Variants in CFHR2 observed in about 807,000 individuals in gnomAD.
CFHR2 encodes the protein complement factor H-related protein 2.
CFHR2 carries 22 observed loss-of-function variants against 21.7 expected under a neutral mutation model. The ratio of observed to expected loss-of-function variants is 1.01; its 90% CI spans 0.72 to 1.45. The LOEUF (loss-of-function observed/expected upper bound fraction) is 1.45, where lower values mean the gene tolerates loss of function less well. CFHR2 is among the 40% of genes most tolerant of loss of function. The probability of loss-of-function intolerance (pLI) is 0.00; values close to 1 mark genes in which losing one functional copy is unlikely to be tolerated. For missense variants in CFHR2, 294 were observed against 293.3 expected (o/e 1.00, Z -0.02); for synonymous variants, 98 against 97.4 (o/e 1.01, Z -0.04).
chr1:196,946,045 A>G lies in CFHR2; in HGVS notation c.58+2107A>G, dbSNP rs183261343. ...CAATTGTAAGTATATGTTTATCTCA[A>G]TATAGCAAAGTACAATAAAAATACA... is the stretch of plus-strand genomic sequence containing the variant. On this transcript the variant is annotated intron_variant, in intron 1 of 4. Coordinates refer to ENST00000367415, the MANE Select transcript of CFHR2 (RefSeq NM_005666.4). 2.4e-3 allele frequency among the ~76,000 whole-genome samples: 370 copies of G among 152,126 alleles called. 9 individuals are homozygous for G. Among genetic ancestry groups the G allele is most frequent in the Non-Finnish European group, 3.2e-4 (22 of 68,012 alleles).
chr1:196,951,068 A>G, intron 3 of CFHR2, 40 bp downstream of exon 3: 1 of 1,604,148 alleles, frequency 6.2e-7, no homozygotes. Flanking sequence ...GTTATATTAT[A>G]AAGTGTAAAA....
rs144596551 is a variant in CFHR2 at position 196,949,602 on chromosome 1, G to A, written c.206G>A (p.Arg69His). ...FVSPSKSFWTRITCAEEGWSP... is the reference protein window; with the variant it reads ...FVSPSKSFWTHITCAEEGWSP... ...TCTCCTTCAAAATCCTTTTGGACTC[G>A]CATAACGTGCGCAGAAGAAGGATGG... The change falls in exon 2 of 5, where the codon CGC becomes CAC. Residue 69 changes from arginine (R) to histidine (H), a missense_variant. By Grantham distance (29) the Arg-to-His change is conservative. Coordinates refer to ENST00000367415, the MANE Select transcript of CFHR2 (RefSeq NM_005666.4). The A allele has an allele frequency of 2.2e-5, 36 of 1,613,848 alleles. No individual in the cohort carries two copies. The Admixed American group carries it at 2.5e-4, about 11-fold the overall frequency.
chr1:196,950,061 A>T (rs1490616995), intron 2 of CFHR2, among the ~76,000 whole-genome samples: 1 of 152,210 alleles, frequency 6.6e-6, no homozygotes, highest in South Asian at 2.1e-4. Context: ...TTCAATAAAT[A>T]ATTTCTTTGG....
intron 4 of CFHR2, 37 bp downstream of exon 4, chr1:196,958,110 T>C (rs1457365704): frequency 6.3e-7 from 1 of 1,583,622 alleles, no homozygotes; most frequent in Admixed American, 1.7e-5. Context: ...TCTGGAAAAA[T>C]CAGTGTGATG....
chr1:196,953,397 C>T (rs1652728018), intron 3 of CFHR2, among the ~76,000 whole-genome samples: 1 of 152,076 alleles, frequency 6.6e-6, no homozygotes, highest in South Asian at 2.1e-4. Context: ...ATTCTTGTGC[C>T]TCAGCCTCCT....
chr1:196,951,496 T>G (rs542293475), intron 3 of CFHR2, among the ~76,000 whole-genome samples: 1 of 152,284 alleles, frequency 6.6e-6, no homozygotes, highest in African/African-American at 2.4e-5. Context: ...AGAGGTATGT[T>G]TATTTGTGAG....
At chr1:196,945,945 G>C (rs1659465485) in intron 1 of CFHR2, among the ~76,000 whole-genome samples, 1 of 151,634 alleles carries the variant, frequency 6.6e-6, no homozygotes, top group Admixed American at 6.6e-5. Flanking sequence ...TAGGCCATAT[G>C]GTATAGCCTG....
Position 196,955,673 on chromosome 1 carries a change from A to G in CFHR2, c.431-2218A>G, listed in dbSNP as rs562543843. On this transcript the variant is annotated intron_variant, in intron 3 of 4. Coordinates refer to ENST00000367415, the MANE Select transcript of CFHR2 (RefSeq NM_005666.4). Reference sequence around the variant, plus strand: ...GGACTAGCCTGACCCACATCGTGAAACTCTGTCTTTGATAAAATATAAAAA... The same window carrying G: ...GGACTAGCCTGACCCACATCGTGAAGCTCTGTCTTTGATAAAATATAAAAA... Among the ~76,000 whole-genome samples, 7 of 151,804 alleles carry G rather than the reference A, an allele frequency of 4.6e-5. No individual in the cohort carries two copies. In the East Asian group the frequency reaches 1.4e-3, roughly 29 times the overall value.
chr1:196,952,994 A>G (rs930739390), intron 3 of CFHR2, among the ~76,000 whole-genome samples: 5 of 152,324 alleles, frequency 3.3e-5, no homozygotes, highest in African/African-American at 1.2e-4. Context: ...ATTTAGCGGA[A>G]CACTCTATGT....
intron 3 of CFHR2, among the ~76,000 whole-genome samples, chr1:196,955,836 G>C (rs1652853020): frequency 6.6e-6 from 1 of 152,082 alleles, no homozygotes; most frequent in Non-Finnish European, 1.5e-5. Flanking sequence ...GACAGAGCGA[G>C]ACTCTGTCTC....
At chr1:196,956,499 G>A (rs1454332551) in intron 3 of CFHR2, among the ~76,000 whole-genome samples, 1 of 151,916 alleles carries the variant, frequency 6.6e-6, no homozygotes, top group Non-Finnish European at 1.5e-5. Context: ...CTCCTTATTT[G>A]TTGTTGTTTG....
At chr1:196,948,531 C>T (rs1659604183) in intron 1 of CFHR2, among the ~76,000 whole-genome samples, 1 of 152,158 alleles carries the variant, frequency 6.6e-6, no homozygotes, top group African/African-American at 2.4e-5. Context: ...CTACCTCAGC[C>T]TCCCAAAGTG....
intron 1 of CFHR2, among the ~76,000 whole-genome samples, chr1:196,948,595 A>G (rs1161939865): frequency 6.6e-6 from 1 of 152,146 alleles, no homozygotes; most frequent in Admixed American, 6.6e-5. Context: ...AATTTAAAGA[A>G]TCTCTAGATT....
intron 1 of CFHR2, among the ~76,000 whole-genome samples, chr1:196,949,167 A>T (rs1015041668): frequency 7.9e-5 from 12 of 152,184 alleles, no homozygotes; most frequent in African/African-American, 2.7e-4. Flanking sequence ...CTTCATTCTT[A>T]AATTGTTGTG....
At chr1:196,947,298 C>T (rs1439831538) in intron 1 of CFHR2, among the ~76,000 whole-genome samples, 1 of 152,096 alleles carries the variant, frequency 6.6e-6, no homozygotes, top group African/African-American at 2.4e-5. Context: ...CAGATATGCA[C>T]AATGAATACT....
rs1157118767 is a variant in CFHR2 at position 196,959,113 on chromosome 1, C to T, written c.*33C>T. The T allele has an allele frequency of 3.6e-6, 5 of 1,373,200 alleles. No homozygotes were observed. In the African/African-American group the frequency reaches 5.8e-5, roughly 16 times the overall value. The allele number at this position is 1,373,200 out of a possible 1,614,324, so 85.1% of individuals were successfully genotyped here. ...GGCATTACTATTAGTAAAATGCACACCTTTTTCTGAATTTACTATTATATT... is the reference window on the plus strand; with the variant it reads ...GGCATTACTATTAGTAAAATGCACATCTTTTTCTGAATTTACTATTATATT... On this transcript the variant is annotated 3_prime_UTR_variant, in exon 5 of 5. Transcript: ENST00000367415.
Position 196,950,345 on chromosome 1 carries a change from C to T in CFHR2, c.254-507C>T, listed in dbSNP as rs954986568. On this transcript the variant is annotated intron_variant, in intron 2 of 4. Coordinates refer to ENST00000367415, the MANE Select transcript of CFHR2 (RefSeq NM_005666.4). Reference sequence around the variant, plus strand: ...CATGAAATATTTTCTTCTATATGTACATATAAAGGAACCAAAAATATATTT... The same window carrying T: ...CATGAAATATTTTCTTCTATATGTATATATAAAGGAACCAAAAATATATTT... Among the ~76,000 whole-genome samples the T allele has an allele frequency of 6.7e-3, 1,014 of 152,128 alleles. 13 individuals are homozygous for T. Among genetic ancestry groups the T allele is most frequent in the African/African-American group, 0.023 (973 of 41,488 alleles).
chr1:196,948,424 C>T (rs1394185616), intron 1 of CFHR2, among the ~76,000 whole-genome samples: 1 of 151,750 alleles, frequency 6.6e-6, no homozygotes, highest in Non-Finnish European at 1.5e-5. Context: ...TACAGGTGTG[C>T]ACCACCACAC....
chr1:196,947,315 A>G (rs1659542437), intron 1 of CFHR2, among the ~76,000 whole-genome samples: 1 of 152,196 alleles, frequency 6.6e-6, no homozygotes, highest in Non-Finnish European at 1.5e-5. Context: ...TACTTGATGA[A>G]TGTCATAGAG....
Sources: gnomAD v4.1 joint callset for allele counts (sites outside exome capture counted in the v4.1 genomes callset) on GRCh38, gnomAD v4.1.1 for gene constraint, MANE v1.5 for transcripts, NCBI Gene and HGNC (gene_info 2026-07-23, HGNC 2026-07-21) for gene names.